COL5A1: variants seen among roughly 807,000 people sequenced by gnomAD.
The protein encoded by COL5A1 is collagen type V alpha 1 chain, also known as collagen alpha-1(V) chain.
A neutral mutation model predicts 263.7 loss-of-function variants in COL5A1; 16 were observed. The observed-to-expected ratio is 0.06, with a 90% CI of 0.04 to 0.09. The LOEUF is 0.09. Among genes scored for constraint, COL5A1 ranks in the 10% least tolerant of loss-of-function variants. COL5A1 has a pLI of 1.00. For missense variants in COL5A1, 2,036 were observed against 2,540.5 expected (o/e 0.80, Z 4.27); for synonymous variants, 1,012 against 1,004.5 (o/e 1.01, Z -0.14).
intron 4 of COL5A1, among the ~76,000 whole-genome samples, chr9:134,707,035 G>A (rs886291209): frequency 1.3e-5 from 2 of 152,194 alleles, no homozygotes; most frequent in Admixed American, 6.5e-5. Context: ...CCCTGAGCTG[G>A]CCCAGTGAGC....
chr9:134,804,704 A>C (rs572748851), intron 39 of COL5A1, among the ~76,000 whole-genome samples: 1 of 152,328 alleles, frequency 6.6e-6, no homozygotes, highest in African/African-American at 2.4e-5. Flanking sequence ...CACGACTCTG[A>C]AAAGTGGCCA....
chr9:134,775,064 G>A (rs1000406357), intron 27 of COL5A1, 152 bp downstream of exon 27: 12 of 772,422 alleles, frequency 1.6e-5, no homozygotes, highest in Non-Finnish European at 2.4e-5. Flanking sequence ...TTGTGTGGAC[G>A]CTAGGTCTCA....
intron 64 of COL5A1, among the ~76,000 whole-genome samples, chr9:134,831,986 C>T (rs1424719947): frequency 6.6e-6 from 1 of 152,152 alleles, no homozygotes; most frequent in Non-Finnish European, 1.5e-5. Context: ...ATTTTTCAGC[C>T]AGGTGCAGGG....
At chr9:134,644,578 A>G (rs1831414784) in intron 1 of COL5A1, among the ~76,000 whole-genome samples, 1 of 91,230 alleles carries the variant, frequency 1.1e-5, no homozygotes, top group Non-Finnish European at 2.1e-5. Context: ...TGTCCACTGG[A>G]GAGGCAGGCG....
At chr9:134,745,904 G>A (rs1026498675) in intron 11 of COL5A1, among the ~76,000 whole-genome samples, 6 of 152,082 alleles carry the variant, frequency 3.9e-5, no homozygotes, top group Non-Finnish European at 5.9e-5. Context: ...GTAGCTTGCC[G>A]GCGCATCTCT....
At chr9:134,822,176 A>G (rs759482571) in intron 59 of COL5A1, 26 bp downstream of exon 59, 6 of 966,428 alleles carry the variant, frequency 6.2e-6, no homozygotes, top group Non-Finnish European at 9.5e-6. Context: ...GGGCTTGGTC[A>G]TTCCTGGGAG....
chr9:134,654,518 T>A (rs1588406378), intron 1 of COL5A1, among the ~76,000 whole-genome samples: 1 of 88,310 alleles, frequency 1.1e-5, no homozygotes, highest in Non-Finnish European at 2.2e-5. Flanking sequence ...GGGCTGGAGG[T>A]GTGCAGGGCT....
chr9:134,675,599 T>C (rs572706374), intron 1 of COL5A1, among the ~76,000 whole-genome samples: 20 of 152,356 alleles, frequency 1.3e-4, no homozygotes, highest in Admixed American at 9.1e-4. Flanking sequence ...CATCCTCTTA[T>C]TTTGTGTGTG....
chr9:134,783,869 C>T lies in COL5A1; in HGVS notation c.2485-1120C>T, dbSNP rs145707700. Reference sequence around the variant, plus strand: ...AGGCTCCTGAATCCCCACATCCCAGCGGCTTCTCGGTTTGATGGTGAAAGT... The same window carrying T: ...AGGCTCCTGAATCCCCACATCCCAGTGGCTTCTCGGTTTGATGGTGAAAGT... On this transcript the variant is annotated intron_variant, in intron 29 of 65. Coordinates refer to ENST00000371817, the MANE Select transcript of COL5A1 (RefSeq NM_000093.5). 7.2e-5 allele frequency among the ~76,000 whole-genome samples: 11 copies of T among 152,354 alleles called. No individual in the cohort carries two copies. The East Asian group carries it at 1.2e-3, about 16-fold the overall frequency.
chr9:134,718,935 C>T (rs1036266556), intron 4 of COL5A1, among the ~76,000 whole-genome samples: 8 of 152,142 alleles, frequency 5.3e-5, no homozygotes, highest in African/African-American at 1.4e-4. Flanking sequence ...TTTGCCGAGG[C>T]GTGAGGTAGG....
chr9:134,746,688 G>T (rs1478460140), intron 11 of COL5A1, among the ~76,000 whole-genome samples: 10 of 152,266 alleles, frequency 6.6e-5, no homozygotes, highest in Admixed American at 1.3e-4. Context: ...GCCCTCCTGT[G>T]CCAGGGCCTT....
rs1831331484 is a variant in COL5A1, at chr9:134,642,531, G to C, written c.109+235G>C. ...GACGGGCGGGTCGGGTGGGGCTGTCGCGCGAGCCGAGGAAGGACCGAGGGC... is the reference window on the plus strand; with the variant it reads ...GACGGGCGGGTCGGGTGGGGCTGTCCCGCGAGCCGAGGAAGGACCGAGGGC... On this transcript the variant is annotated intron_variant, in intron 1 of 65. Coordinates refer to ENST00000371817, the MANE Select transcript of COL5A1 (RefSeq NM_000093.5). This position sits in a 1 kb window ranked among gnomAD's most constrained non-coding sequence, Gnocchi z 4.5. Among the ~76,000 whole-genome samples the C allele has an allele frequency of 6.6e-6, 1 of 152,012 alleles. No individual in the cohort carries two copies. The highest frequency in any genetic ancestry group is 1.5e-5 in the Non-Finnish European group (1 of 67,970).
intron 41 of COL5A1, 95 bp from the exon 42 acceptor site, chr9:134,806,092 TGA>T: frequency 1.1e-6 from 1 of 891,808 alleles, no homozygotes; most frequent in Non-Finnish European, 1.8e-6. Flanking sequence ...GGCTCTAGAG[TGA>T]GCAGGTAAGT....
At chr9:134,800,986 G>C (rs995757676) in intron 37 of COL5A1, among the ~76,000 whole-genome samples, 3 of 152,306 alleles carry the variant, frequency 2.0e-5, no homozygotes, top group Admixed American at 2.0e-4. Flanking sequence ...AGTGTCATGT[G>C]GCACCTGCAG....
chr9:134,832,216 G>A (rs1350946771), intron 64 of COL5A1, among the ~76,000 whole-genome samples: 1 of 152,110 alleles, frequency 6.6e-6, no homozygotes, highest in Admixed American at 6.6e-5. Flanking sequence ...GACCAGCCTG[G>A]CCAACGTGGC....
At position 134,730,460 on chromosome 9, in the gene COL5A1, C is replaced by T. The variant is rs771885855; in HGVS notation, c.1149C>T (p.Thr383=). Residue 383 remains threonine, a synonymous_variant, in exon 7 of 66, where the codon ACC becomes ACT. Transcript: ENST00000371817. The part of the protein sequence containing the change: ...GAEIPTSTAD[T]SNSSNPAPPP... ...AAATTCCCACCAGCACCGCCGACAC[C>T]TCCAACTCCTCCAATGTAATTTCTT... 36 of 1,614,008 alleles carry T rather than the reference C, an allele frequency of 2.2e-5. No individual in the cohort carries two copies. In the East Asian group the frequency reaches 4.7e-4, roughly 21 times the overall value.
chr9:134,796,418 G>T lies in COL5A1; in HGVS notation c.2844G>T (p.Arg948=), dbSNP rs1421835224. ...GDGPAGPPGE[R]GPNGPQGPTG... ...GCCCAGCTGGCCCTCCTGGTGAACGGGTAAGCAGCTGGAGCCTTCGGGGGT... is the reference window on the plus strand; with the variant it reads ...GCCCAGCTGGCCCTCCTGGTGAACGTGTAAGCAGCTGGAGCCTTCGGGGGT... The change falls in exon 35 of 66, where the codon CGG becomes CGT. Residue 948 remains arginine, a splice_region_variant and synonymous_variant. Coordinates refer to ENST00000371817, the MANE Select transcript of COL5A1 (RefSeq NM_000093.5). 6.2e-7 allele frequency: 1 copy of T among 1,614,148 alleles called. No individual in the cohort carries two copies. The highest frequency in any genetic ancestry group is 2.2e-5 in the East Asian group (1 of 44,872).
Position 134,823,401 on chromosome 9 carries a change from T to C in COL5A1, c.4645-15T>C, listed in dbSNP as rs1360896004. On this transcript the variant is annotated splice_polypyrimidine_tract_variant and intron_variant, in intron 60 of 65. Coordinates refer to ENST00000371817, the MANE Select transcript of COL5A1 (RefSeq NM_000093.5). ...ACCTCTGTGACCAAGGGTTGATTCT[T>C]TTCTTTCTCCCCAGGGTCCAACTGG... The C allele has an allele frequency of 6.2e-7, 1 of 1,614,166 alleles. No homozygotes were observed.
At chr9:134,817,507 G>C (rs1005813983) in intron 53 of COL5A1, among the ~76,000 whole-genome samples, 2 of 152,178 alleles carry the variant, frequency 1.3e-5, no homozygotes, top group African/African-American at 4.8e-5. Flanking sequence ...CGTGCACTGC[G>C]CCTCCCCACG....
Sources: allele counts gnomAD v4.1 joint callset (sites outside exome capture counted in the v4.1 genomes callset), GRCh38; gene constraint gnomAD v4.1.1; non-coding constraint Gnocchi (gnomAD v3.1); transcripts MANE v1.5; gene names NCBI Gene and HGNC (gene_info 2026-07-23, HGNC 2026-07-21).